Variants in AOAH observed in about 807,000 individuals in gnomAD.
AOAH encodes acyloxyacyl hydrolase (neutrophil).
Under a neutral mutation model 92.2 loss-of-function variants are expected in AOAH, and 64 were observed. The ratio of observed to expected loss-of-function variants is 0.69; its 90% CI spans 0.57 to 0.86. AOAH has a LOEUF of 0.86. Ranked by LOEUF, AOAH falls within the 40% of genes least tolerant of loss-of-function variation. AOAH has a pLI of 0.00. For synonymous variants in AOAH, 263 were observed against 254.5 expected (o/e 1.03, Z -0.32); for missense variants, 656 against 694.6 (o/e 0.94, Z 0.62).
chr7:36,666,480 T>C (rs1248428443), intron 3 of AOAH, among the ~76,000 whole-genome samples: 1 of 152,022 alleles, frequency 6.6e-6, no homozygotes, highest in African/African-American at 2.4e-5. Context: ...TTTACTGATA[T>C]TTTCAAAAAA....
In AOAH at chr7:36,517,277, T is replaced by TG. The variant is rs1342133955; in HGVS notation, c.1600-3898_1600-3897insC. 8.7e-5 allele frequency among the ~76,000 whole-genome samples: 13 copies of TG among 150,226 alleles called. 1 individual carries two copies. The highest frequency in any genetic ancestry group is 1.3e-4 in the Non-Finnish European group (9 of 67,734). ...CTGTGTCTCTCTCTTTCTTTCTTTC[T>TG]TTCTTTCTTTCTTTCTTTCCTTTCT... On this transcript the variant is annotated intron_variant, in intron 20 of 20. Coordinates refer to ENST00000617537, the MANE Select transcript of AOAH (RefSeq NM_001637.4).
At chr7:36,558,175 C>T (rs1786934775) in intron 13 of AOAH, among the ~76,000 whole-genome samples, 1 of 152,082 alleles carries the variant, frequency 6.6e-6, no homozygotes, top group Non-Finnish European at 1.5e-5. Context: ...TGTGGATGTC[C>T]TTTCTGTTTG....
chr7:36,582,855 T>A (rs1789030786), intron 12 of AOAH, among the ~76,000 whole-genome samples: 1 of 151,648 alleles, frequency 6.6e-6, no homozygotes, highest in South Asian at 2.1e-4. Flanking sequence ...AGTGTCTTTT[T>A]TTTTTTTGAG....
chr7:36,708,682 T>A (rs1215927090), intron 1 of AOAH, among the ~76,000 whole-genome samples: 3 of 152,192 alleles, frequency 2.0e-5, no homozygotes, highest in African/African-American at 7.2e-5. Flanking sequence ...TTGTCTTATT[T>A]TTCTAAGAGT....
intron 11 of AOAH, among the ~76,000 whole-genome samples, chr7:36,612,389 T>C (rs933202503): frequency 6.6e-6 from 1 of 152,256 alleles, no homozygotes; most frequent in Non-Finnish European, 1.5e-5. Context: ...AATATGTGTA[T>C]TAACTGGTTG....
At chr7:36,585,148 A>G (rs1264603408) in intron 12 of AOAH, among the ~76,000 whole-genome samples, 2 of 152,064 alleles carry the variant, frequency 1.3e-5, no homozygotes, top group Non-Finnish European at 2.9e-5. Flanking sequence ...CTGGAGGGGT[A>G]TAAAAAAGAA....
intron 6 of AOAH, among the ~76,000 whole-genome samples, chr7:36,631,433 G>C (rs569813698): frequency 2.0e-5 from 3 of 152,056 alleles, no homozygotes; most frequent in African/African-American, 7.2e-5. Context: ...CTCAAGACAT[G>C]GCTTCACCCT....
At chr7:36,577,134 T>C (rs1256066059) in intron 12 of AOAH, among the ~76,000 whole-genome samples, 1 of 152,124 alleles carries the variant, frequency 6.6e-6, no homozygotes. Flanking sequence ...CAATAGAATT[T>C]ATAGAATTTT....
intron 12 of AOAH, among the ~76,000 whole-genome samples, chr7:36,584,038 A>G (rs1168700234): frequency 6.6e-6 from 1 of 152,230 alleles, no homozygotes; most frequent in Admixed American, 6.5e-5. Context: ...CTCATAAAAC[A>G]CACACACAAA....
chr7:36,660,752 T>C (rs1250475766), intron 3 of AOAH, among the ~76,000 whole-genome samples: 1 of 152,232 alleles, frequency 6.6e-6, no homozygotes, highest in African/African-American at 2.4e-5. Context: ...CATGTTCATT[T>C]TTTCTTTCCC....
intron 16 of AOAH, among the ~76,000 whole-genome samples, chr7:36,533,436 T>C (rs1784816326): frequency 6.6e-6 from 1 of 152,132 alleles, no homozygotes; most frequent in Admixed American, 6.5e-5. Flanking sequence ...AAATTTATTA[T>C]CTCTCTGTGT....
chr7:36,642,020 G>A (rs1163953260), intron 4 of AOAH, among the ~76,000 whole-genome samples: 1 of 152,056 alleles, frequency 6.6e-6, no homozygotes, highest in Admixed American at 6.5e-5. Flanking sequence ...GAGAGGCTTG[G>A]GGACTACTGA....
chr7:36,713,686 G>A (rs1019972103), intron 1 of AOAH, among the ~76,000 whole-genome samples: 3 of 151,986 alleles, frequency 2.0e-5, no homozygotes, highest in African/African-American at 7.2e-5. Flanking sequence ...ACTCAAAACT[G>A]CTCAAACATG....
rs943492558 is a variant in AOAH at position 36,549,475 on chromosome 7, C to T, written c.1022G>A (p.Gly341Asp). The change falls in exon 14 of 21, where the codon GGT becomes GAT. Residue 341 changes from glycine (G) to aspartate (D), a missense_variant and splice_region_variant. Gly to Asp is a moderately conservative substitution (Grantham distance 94, BLOSUM62 -1). Coordinates refer to ENST00000617537, the MANE Select transcript of AOAH (RefSeq NM_001637.4). ...HRDYQNISRN[G>D]ASSRNLKKFI... The stretch of plus-strand genomic sequence containing the variant: ...TTTCTTCAGGTTTCGGGAAGATGCA[C>T]CTGAATAATTAAAATTAAGAAAACA... 2 of 1,584,208 alleles carry T rather than the reference C, an allele frequency of 1.3e-6. No individual in the cohort carries two copies. Among genetic ancestry groups the T allele is most frequent in the African/African-American group, 2.7e-5 (2 of 74,206 alleles).
chr7:36,644,262 T>C (rs779302235), intron 4 of AOAH, among the ~76,000 whole-genome samples: 4 of 152,102 alleles, frequency 2.6e-5, no homozygotes, highest in East Asian at 1.9e-4. Flanking sequence ...CCAGATCCAA[T>C]TCAGACCCAC....
At chr7:36,635,269 C>T (rs73687582) in intron 5 of AOAH, among the ~76,000 whole-genome samples, 4,538 of 152,164 alleles carry the variant, frequency 0.03, 223 homozygotes, top group African/African-American at 0.1. Flanking sequence ...GGACAGGAGT[C>T]ATGCAGCATC....
chr7:36,553,189 A>T (rs1786414438), intron 13 of AOAH, among the ~76,000 whole-genome samples: 3 of 135,446 alleles, frequency 2.2e-5, no homozygotes. Flanking sequence ...CTCATTGTTC[A>T]ATTTCCATCT....
At position 36,659,186 on chromosome 7, in the gene AOAH, G is replaced by A. The variant is rs1348254035; in HGVS notation, c.370C>T (p.His124Tyr). The A allele has an allele frequency of 2.5e-6, 4 of 1,613,690 alleles. No homozygotes were observed. Among genetic ancestry groups the A allele is most frequent in the Non-Finnish European group, 3.4e-6 (4 of 1,179,582 alleles). Residue 124 changes from histidine (H) to tyrosine (Y), a missense_variant, in exon 4 of 21, where the codon CAT becomes TAT. By Grantham distance (83) the His-to-Tyr change is moderately conservative. Coordinates refer to ENST00000617537, the MANE Select transcript of AOAH (RefSeq NM_001637.4). ...CKQNTGQPLC[H>Y]LYPLPKETWK... Reference sequence around the variant, plus strand: ...CTCACCTTGGGAAGAGGGTAGAGATGACACAATGGTTGGCCAGTGTTCTGT... The same window carrying A: ...CTCACCTTGGGAAGAGGGTAGAGATAACACAATGGTTGGCCAGTGTTCTGT...
intron 2 of AOAH, among the ~76,000 whole-genome samples, chr7:36,680,859 T>C (rs1440731432): frequency 2.6e-5 from 4 of 152,222 alleles, no homozygotes. Context: ...CTTGGTGAGA[T>C]ACCGGTTTCC....
Sources: allele counts gnomAD v4.1 joint callset (sites outside exome capture counted in the v4.1 genomes callset), GRCh38; gene constraint gnomAD v4.1.1; transcripts MANE v1.5; gene names NCBI Gene and HGNC (gene_info 2026-07-23, HGNC 2026-07-21).